HIVEP1: variants seen among roughly 807,000 people sequenced by gnomAD.
HIVEP1 encodes HIVEP zinc finger 1.
In HIVEP1, 36 loss-of-function variants were observed where a neutral mutation model predicts 180.0. That is an observed-to-expected ratio of 0.20 (90% CI 0.15 to 0.26). The LOEUF is 0.26. HIVEP1 is among the 10% of genes least tolerant of loss of function. HIVEP1 has a pLI of 1.00. For synonymous variants in HIVEP1, 1,239 were observed against 1,239.0 expected (o/e 1.00, Z 0.00); for missense variants, 3,143 against 3,268.7 (o/e 0.96, Z 0.94).
the HIVEP1 span, among the ~76,000 whole-genome samples, chr6:12,172,071 T>C: frequency 1.3e-5 from 2 of 152,172 alleles, no homozygotes; most frequent in Non-Finnish European, 2.9e-5. Context: ...CCACATTCCA[T>C]CATCTGGGAG....
At chr6:12,188,687 A>C in the HIVEP1 span, among the ~76,000 whole-genome samples, 1 of 152,084 alleles carries the variant, frequency 6.6e-6, no homozygotes, top group African/African-American at 2.4e-5. Flanking sequence ...AATGCTAATG[A>C]GTAACATAAA....
intron 3 of HIVEP1, among the ~76,000 whole-genome samples, chr6:12,100,520 C>T (rs1004351184): frequency 3.9e-5 from 6 of 152,232 alleles, no homozygotes; most frequent in Admixed American, 1.3e-4. Context: ...ACTGACTGGA[C>T]GCTAATCCTA....
intron 2 of HIVEP1, among the ~76,000 whole-genome samples, chr6:12,085,449 G>C (rs1018897210): frequency 6.6e-6 from 1 of 152,064 alleles, no homozygotes; most frequent in African/African-American, 2.4e-5. Flanking sequence ...AAAGAACCTC[G>C]TTAACCACAC....
At chr6:12,108,334 A>G (rs1408927955) in intron 3 of HIVEP1, among the ~76,000 whole-genome samples, 1 of 152,198 alleles carries the variant, frequency 6.6e-6, no homozygotes, top group African/African-American at 2.4e-5. Flanking sequence ...CACCCAGTAG[A>G]TCCTGCACCA....
chr6:12,113,155 A>T (rs1220198042), intron 3 of HIVEP1, among the ~76,000 whole-genome samples: 3 of 151,208 alleles, frequency 2.0e-5, no homozygotes, highest in Non-Finnish European at 4.4e-5. Flanking sequence ...CCCTCAGCCC[A>T]TCCTAATTCA....
chr6:12,208,434 C>T, the HIVEP1 span, among the ~76,000 whole-genome samples: 1 of 152,056 alleles, frequency 6.6e-6, no homozygotes, highest in Non-Finnish European at 1.5e-5. Context: ...GTCTCATAAC[C>T]AGACTCGCGA....
the HIVEP1 span, among the ~76,000 whole-genome samples, chr6:12,211,509 C>T: frequency 6.9e-6 from 1 of 144,518 alleles, no homozygotes; most frequent in Non-Finnish European, 1.5e-5. Context: ...ACCCACACAA[C>T]ATAAACATAG....
At chr6:12,176,077 T>G in the HIVEP1 span, among the ~76,000 whole-genome samples, 1 of 152,080 alleles carries the variant, frequency 6.6e-6, no homozygotes, top group African/African-American at 2.4e-5. Flanking sequence ...TCTGCTGGGA[T>G]CCGGGATTCT....
At chr6:12,107,760 G>A (rs894272286) in intron 3 of HIVEP1, among the ~76,000 whole-genome samples, 1 of 152,202 alleles carries the variant, frequency 6.6e-6, no homozygotes, top group Non-Finnish European at 1.5e-5. Context: ...CAGCGTAGAA[G>A]GGGACCCGAG....
At position 12,122,353 on chromosome 6, in the gene HIVEP1, A is replaced by G; in HGVS notation, c.2558A>G (p.Asn853Ser). Residue 853 changes from asparagine to serine, a missense_variant, in exon 4 of 9, where the codon AAT (asparagine) becomes AGT (serine). Asn to Ser is a conservative substitution (Grantham distance 46, BLOSUM62 1). Transcript: ENST00000379388. ...ACAGGTTATTCAGCAGTACCTGCAA[A>G]TATAATACCTCCTCCTCATCCACTA... ...PTTGYSAVPANIIPPPHPLRG... is the reference protein window; with the variant it reads ...PTTGYSAVPASIIPPPHPLRG... 6.2e-7 allele frequency: 1 copy of G among 1,614,244 alleles called. No individual in the cohort carries two copies. The highest frequency in any genetic ancestry group is 8.5e-7 in the Non-Finnish European group (1 of 1,180,044).
At chr6:12,167,665 CATATATACAT>C (rs879897322), downstream of HIVEP1, among the ~76,000 whole-genome samples, 26,670 of 76,840 alleles carry the variant, frequency 0.35, 4,379 homozygotes, top group Non-Finnish European at 0.37. Context: ...GTTATATATA[CATATATACAT>C]ATATGTGTAT....
chr6:12,159,219 T>C (rs1760251842), intron 7 of HIVEP1, among the ~76,000 whole-genome samples: 1 of 151,512 alleles, frequency 6.6e-6, no homozygotes, highest in Non-Finnish European at 1.5e-5. Flanking sequence ...CGCGCGCGCG[T>C]GCACGTGCAC....
intron 2 of HIVEP1, among the ~76,000 whole-genome samples, chr6:12,075,525 T>C (rs1051949728): frequency 1.3e-5 from 2 of 152,024 alleles, no homozygotes; most frequent in African/African-American, 2.4e-5. Flanking sequence ...TTATTATTAC[T>C]AACACTACAA....
At chr6:12,103,279 A>G (rs1383121167) in intron 3 of HIVEP1, among the ~76,000 whole-genome samples, 1 of 152,102 alleles carries the variant, frequency 6.6e-6, no homozygotes, top group African/African-American at 2.4e-5. Context: ...AGCTGTCTAC[A>G]TGCATTATCT....
chr6:12,153,578 A>G (rs1483629240), intron 7 of HIVEP1, among the ~76,000 whole-genome samples: 8 of 150,768 alleles, frequency 5.3e-5, no homozygotes, highest in African/African-American at 2.0e-4. Context: ...ATGCAAAAAA[A>G]AAAAAAAAAA....
chr6:12,168,035 A>C (rs577060808), downstream of HIVEP1, among the ~76,000 whole-genome samples: 651 of 61,244 alleles, frequency 0.011, 51 homozygotes, highest in African/African-American at 0.033. Context: ...TGTATATATT[A>C]TATATACATA....
At chr6:12,041,521 C>G (rs1232498205) in intron 2 of HIVEP1, among the ~76,000 whole-genome samples, 4 of 147,020 alleles carry the variant, frequency 2.7e-5, no homozygotes, top group South Asian at 2.1e-4. Context: ...TTTTTTCCTT[C>G]CCCCCAACTT....
chr6:12,125,677 A>G lies in HIVEP1; in HGVS notation c.5882A>G (p.Lys1961Arg). Residue 1961 changes from lysine (K) to arginine (R), a missense_variant, in exon 4 of 9, where the codon AAA becomes AGA. This residue lies in a region of HIVEP1 where 1,357 missense variants were observed against 1,260.5 expected (regional missense o/e 1.08). Coordinates refer to ENST00000379388, the MANE Select transcript of HIVEP1 (RefSeq NM_002114.4). ...KSLHLPQKDQ[K>R]TSAYTDWTVS... Reference sequence around the variant, plus strand: ...TTGCATTTGCCTCAGAAGGACCAGAAAACTTCAGCCTATACTGATTGGACA... The same window carrying G: ...TTGCATTTGCCTCAGAAGGACCAGAGAACTTCAGCCTATACTGATTGGACA... 6.2e-7 allele frequency: 1 copy of G among 1,614,198 alleles called. No homozygotes were observed. The highest frequency in any genetic ancestry group is 1.1e-5 in the South Asian group (1 of 91,088).
In HIVEP1 at chr6:12,124,931, G is replaced by C. The variant is rs756347671; in HGVS notation, c.5136G>C (p.Glu1712Asp). 1.1e-5 allele frequency: 17 copies of C among 1,613,916 alleles called. No individual in the cohort carries two copies. The highest frequency in any genetic ancestry group is 1.4e-5 in the Non-Finnish European group (17 of 1,179,954). ...KEFLCENVFS[E>D]MSQNSSLSES... ...TTCTATGTGAAAATGTTTTTTCAGA[G>C]ATGAGCCAAAATTCTTCTCTATCAG... is the stretch of plus-strand genomic sequence containing the variant. The change falls in exon 4 of 9, where the codon GAG becomes GAC. Residue 1712 changes from glutamate to aspartate, a missense_variant. Physicochemically the swap from Glu to Asp is conservative, Grantham distance 45. Coordinates refer to ENST00000379388, the MANE Select transcript of HIVEP1 (RefSeq NM_002114.4).
Sources: allele counts gnomAD v4.1 joint callset (sites outside exome capture counted in the v4.1 genomes callset), GRCh38; gene constraint gnomAD v4.1.1; regional missense constraint gnomAD v4.1.1; transcripts MANE v1.5; gene names NCBI Gene and HGNC (gene_info 2026-07-23, HGNC 2026-07-21).